IL1RAPL1: variants seen among roughly 807,000 people sequenced by gnomAD.
The protein encoded by IL1RAPL1 is interleukin 1 receptor accessory protein like 1, also known as interleukin-1 receptor accessory protein-like 1.
IL1RAPL1 carries 3 observed loss-of-function variants against 48.4 expected under a neutral mutation model. The observed-to-expected ratio is 0.06, with a 90% CI of 0.03 to 0.16. IL1RAPL1 has a LOEUF of 0.16. Ranked by LOEUF, IL1RAPL1 falls within the 10% of genes least tolerant of loss-of-function variation. The pLI, the probability that IL1RAPL1 is intolerant of heterozygous loss-of-function variation, is 1.00. For synonymous variants in IL1RAPL1, 185 were observed against 187.7 expected (o/e 0.99, Z 0.12); for missense variants, 349 against 530.6 (o/e 0.66, Z 3.36).
chrX:29,892,295 G>A (rs1276536759), intron 6 of IL1RAPL1, among the ~76,000 whole-genome samples: 1 of 111,821 alleles, frequency 8.9e-6, no homozygotes, highest in Non-Finnish European at 1.9e-5. Flanking sequence ...GTGTGTGAAC[G>A]AGCATAAAGT....
chrX:28,725,294 A>G (rs1199363095), intron 1 of IL1RAPL1, among the ~76,000 whole-genome samples: 1 of 111,222 alleles, frequency 9.0e-6, no homozygotes, highest in Non-Finnish European at 1.9e-5. Context: ...AAACATTCAC[A>G]AAGAACTACT....
At chrX:29,100,850 C>T (rs1928321246) in intron 2 of IL1RAPL1, among the ~76,000 whole-genome samples, 1 of 111,882 alleles carries the variant, frequency 8.9e-6, no homozygotes, top group Admixed American at 9.5e-5. Context: ...TTGCTTAACA[C>T]ATTGCCTTAC....
chrX:29,711,069 T>TACACACACACACAC (rs745317897), intron 6 of IL1RAPL1, among the ~76,000 whole-genome samples: 8,532 of 86,293 alleles, frequency 0.099, 538 homozygotes, highest in East Asian at 0.25. Flanking sequence ...TGTGTGTGTA[T>TACACACACACACAC]ACACACACAC....
At chrX:29,334,658 C>T (rs1932953202) in intron 3 of IL1RAPL1, among the ~76,000 whole-genome samples, 2 of 112,112 alleles carry the variant, frequency 1.8e-5, no homozygotes, top group East Asian at 2.9e-4. Flanking sequence ...CCAGCAGAGG[C>T]GCTCCTCACA....
At chrX:28,717,681 T>C (rs997227383) in intron 1 of IL1RAPL1, among the ~76,000 whole-genome samples, 14 of 111,748 alleles carry the variant, frequency 1.3e-4, no homozygotes, top group African/African-American at 4.2e-4. Flanking sequence ...CATGAGTCTT[T>C]ACAAAATCTT....
chrX:28,732,519 T>C (rs1375164510), intron 1 of IL1RAPL1, among the ~76,000 whole-genome samples: 2 of 112,176 alleles, frequency 1.8e-5, no homozygotes, highest in African/African-American at 6.5e-5. Flanking sequence ...AAAGGGATTT[T>C]ATAAAAACAT....
At chrX:29,944,952 TAA>T (rs1280605041) in intron 9 of IL1RAPL1, among the ~76,000 whole-genome samples, 1 of 102,928 alleles carries the variant, frequency 9.7e-6, no homozygotes, top group Non-Finnish European at 2.0e-5. Flanking sequence ...ACCTTCCCAT[TAA>T]AAAAAAAAAA....
chrX:28,636,306 G>A (rs1177908839), intron 1 of IL1RAPL1, among the ~76,000 whole-genome samples: 1 of 111,385 alleles, frequency 9.0e-6, no homozygotes, highest in East Asian at 2.8e-4. Flanking sequence ...TATAATTCCA[G>A]GCAGAGTGAG....
chrX:29,126,296 T>C (rs756505855), intron 2 of IL1RAPL1, among the ~76,000 whole-genome samples: 3 of 112,058 alleles, frequency 2.7e-5, no homozygotes, highest in Non-Finnish European at 5.6e-5. Flanking sequence ...TTATAACCAC[T>C]CTTGGGTTTC....
chrX:29,172,614 T>G (rs750815045), intron 2 of IL1RAPL1, among the ~76,000 whole-genome samples: 3 of 111,741 alleles, frequency 2.7e-5, no homozygotes, highest in African/African-American at 9.8e-5. Context: ...TCCAGGTGAT[T>G]CTAATGCATT....
At chrX:29,039,405 A>G (rs773967965) in intron 2 of IL1RAPL1, among the ~76,000 whole-genome samples, 1 of 112,125 alleles carries the variant, frequency 8.9e-6, no homozygotes, top group East Asian at 2.8e-4. Context: ...ACTTTAAATC[A>G]GGCAATACTG....
chrX:29,618,429 T>G (rs1007786268), intron 5 of IL1RAPL1, among the ~76,000 whole-genome samples: 2 of 112,380 alleles, frequency 1.8e-5, no homozygotes, highest in Non-Finnish European at 3.8e-5. Flanking sequence ...CACGTTTAAT[T>G]TTTTTCATGT....
At chrX:28,756,001 T>G (rs1335647728) in intron 1 of IL1RAPL1, among the ~76,000 whole-genome samples, 1 of 111,964 alleles carries the variant, frequency 8.9e-6, no homozygotes. Flanking sequence ...TTGCCCACTT[T>G]TCTATGCACA....
chrX:29,908,375 A>AATATAT (rs71761547), intron 6 of IL1RAPL1, among the ~76,000 whole-genome samples: 1 of 102,243 alleles, frequency 9.8e-6, no homozygotes, highest in Non-Finnish European at 2.0e-5. Context: ...CCATTTCAAA[A>AATATAT]ATATATATAT....
At chrX:28,996,044 T>TA (rs1188290703) in intron 2 of IL1RAPL1, among the ~76,000 whole-genome samples, 1 of 111,673 alleles carries the variant, frequency 9.0e-6, no homozygotes, top group African/African-American at 3.2e-5. Context: ...AAATTAATTT[T>TA]AGAACATTTT....
intron 5 of IL1RAPL1, among the ~76,000 whole-genome samples, chrX:29,664,683 G>A (rs1422721000): frequency 9.0e-6 from 1 of 111,360 alleles, no homozygotes; most frequent in Non-Finnish European, 1.9e-5. Context: ...TCTTTACCCT[G>A]GTGTTGTCAT....
chrX:29,819,620 G>A (rs745685549), intron 6 of IL1RAPL1, among the ~76,000 whole-genome samples: 20 of 110,140 alleles, frequency 1.8e-4, no homozygotes, highest in Non-Finnish European at 3.6e-4. Context: ...TAAGAATTCA[G>A]TATGTTACCA....
intron 6 of IL1RAPL1, among the ~76,000 whole-genome samples, chrX:29,863,842 A>G (rs1931640219): frequency 9.1e-6 from 1 of 110,380 alleles, no homozygotes; most frequent in Non-Finnish European, 1.9e-5. Context: ...GCTAGAGTGC[A>G]GTGGCACAAT....
intron 1 of IL1RAPL1, among the ~76,000 whole-genome samples, chrX:28,592,184 C>G (rs1469349980): frequency 1.8e-5 from 2 of 111,857 alleles, no homozygotes; most frequent in African/African-American, 6.5e-5. Context: ...AAAATAGTTG[C>G]TTTTGAATAA....
Sources: allele counts gnomAD v4.1 joint callset (sites outside exome capture counted in the v4.1 genomes callset), GRCh38; gene constraint gnomAD v4.1.1; transcripts MANE v1.5; gene names NCBI Gene and HGNC (gene_info 2026-07-23, HGNC 2026-07-21).